Variants in NSUN4 observed in about 807,000 individuals in gnomAD.
The protein encoded by NSUN4 is NOP2/Sun RNA methyltransferase 4.
In NSUN4, 31 loss-of-function variants were observed where a neutral mutation model predicts 43.8. The ratio of observed to expected loss-of-function variants is 0.71; its 90% CI spans 0.53 to 0.96. The LOEUF (loss-of-function observed/expected upper bound fraction) is 0.96, where lower values mean the gene tolerates loss of function less well. Among genes scored for constraint, NSUN4 ranks in the 40% least tolerant of loss-of-function variants. The probability of loss-of-function intolerance (pLI) is 0.00; values close to 1 mark genes in which losing one functional copy is unlikely to be tolerated. For synonymous variants in NSUN4, 167 were observed against 184.1 expected, an observed-to-expected ratio of 0.91 and a Z score of 0.75; for missense variants, 439 against 475.6, an observed-to-expected ratio of 0.92 and a Z score of 0.72.
the NSUN4 span, among the ~76,000 whole-genome samples, chr1:46,372,705 A>G: frequency 6.6e-6 from 1 of 151,992 alleles, no homozygotes; most frequent in African/African-American, 2.4e-5. Context: ...GTTCTTTGAC[A>G]GTTTTTTGTT....
intron 1 of NSUN4, chr1:46,343,118 T>C (rs977906212): frequency 2.8e-5 from 11 of 398,964 alleles, no homozygotes; most frequent in Admixed American, 4.4e-5. Flanking sequence ...GCAATACCCA[T>C]ATATGCTCTG....
chr1:46,341,444 G>C, intron 1 of NSUN4: 1 of 1,011,390 alleles, frequency 9.9e-7, no homozygotes, highest in Non-Finnish European at 1.2e-6. Context: ...TGGCGACCGG[G>C]CAAGGTTACA....
rs1200197961 is a variant in NSUN4, at chr1:46,346,976, C to G, written c.493C>G (p.Pro165Ala). 1 of 1,614,134 alleles carries G rather than the reference C, an allele frequency of 6.2e-7. No individual in the cohort carries two copies. The change falls in exon 3 of 6, where the codon CCT becomes GCT. Residue 165 changes from proline to alanine, a missense_variant. Coordinates refer to ENST00000474844, the MANE Select transcript of NSUN4 (RefSeq NM_199044.4). ...YYLMDAASLL[P>A]VLALGLQPGD... Reference sequence around the variant, plus strand: ...CCTGATGGATGCTGCCTCCTTGCTGCCTGTTCTGGCCCTCGGCCTGCAGCC... The same window carrying G: ...CCTGATGGATGCTGCCTCCTTGCTGGCTGTTCTGGCCCTCGGCCTGCAGCC...
At chr1:46,351,933 G>A (rs1238287306) in intron 3 of NSUN4, among the ~76,000 whole-genome samples, 3 of 150,890 alleles carry the variant, frequency 2.0e-5, no homozygotes, top group Non-Finnish European at 4.4e-5. Flanking sequence ...CAAAGTGCTG[G>A]GATTACAGGT....
downstream of NSUN4, among the ~76,000 whole-genome samples, chr1:46,366,390 A>G (rs1334890151): frequency 2.6e-5 from 4 of 152,220 alleles, no homozygotes; most frequent in Non-Finnish European, 5.9e-5. Flanking sequence ...GATTATTGTT[A>G]AGGCTCTAGC....
rs551888089 is a variant in NSUN4, at chr1:46,361,800, C to G, written c.1109C>G (p.Ala370Gly). The change falls in exon 6 of 6, where the codon GCC becomes GGC. Residue 370 changes from alanine (A) to glycine (G), a missense_variant. By Grantham distance (60) the Ala-to-Gly change is moderately conservative. Coordinates refer to ENST00000474844, the MANE Select transcript of NSUN4 (RefSeq NM_199044.4). ...VGELVIPNLM[A>G]NFGPMYFCKM... ...GAGCTGGTAATACCAAACCTCATGG[C>G]CAATTTTGGCCCCATGTACTTCTGC... 2.5e-6 allele frequency: 4 copies of G among 1,614,084 alleles called. No individual in the cohort carries two copies. The Admixed American group carries it at 6.7e-5, about 27-fold the overall frequency.
At chr1:46,368,443 G>A (rs944608590), downstream of NSUN4, among the ~76,000 whole-genome samples, 1 of 152,132 alleles carries the variant, frequency 6.6e-6, no homozygotes, top group Non-Finnish European at 1.5e-5. Context: ...AAGAAGCCTC[G>A]CAACTTCCAC....
At chr1:46,348,405 T>G (rs1662683521) in intron 3 of NSUN4, among the ~76,000 whole-genome samples, 1 of 152,046 alleles carries the variant, frequency 6.6e-6, no homozygotes, top group African/African-American at 2.4e-5. Flanking sequence ...TTATATATCT[T>G]CTCCCTCTTA....
chr1:46,353,322 T>G (rs1663139365), intron 4 of NSUN4, among the ~76,000 whole-genome samples: 1 of 152,230 alleles, frequency 6.6e-6, no homozygotes, highest in South Asian at 2.1e-4. Context: ...GAAAGCCTCA[T>G]GAAGGTAAGT....
the NSUN4 span, chr1:46,370,877 T>C: frequency 6.6e-6 from 1 of 152,534 alleles, no homozygotes; most frequent in Non-Finnish European, 1.5e-5. Flanking sequence ...ATCAAGTTCA[T>C]GGTGGACATT....
At chr1:46,349,150 T>G (rs1465971338) in intron 3 of NSUN4, among the ~76,000 whole-genome samples, 3 of 146,904 alleles carry the variant, frequency 2.0e-5, no homozygotes, top group African/African-American at 7.5e-5. Context: ...TTTTGTTTTT[T>G]TTTTTTTGAG....
chr1:46,373,743 C>T, the NSUN4 span, among the ~76,000 whole-genome samples: 1 of 152,206 alleles, frequency 6.6e-6, no homozygotes, highest in Non-Finnish European at 1.5e-5. Flanking sequence ...CGAAGGCAGA[C>T]TCCTTATGAC....
chr1:46,382,854 G>A, the NSUN4 span, among the ~76,000 whole-genome samples: 5 of 152,230 alleles, frequency 3.3e-5, no homozygotes, highest in East Asian at 5.8e-4. Context: ...CACCTACCTC[G>A]GCCTCCAAAA....
At chr1:46,357,172 G>A (rs1663441986) in intron 4 of NSUN4, among the ~76,000 whole-genome samples, 1 of 152,112 alleles carries the variant, frequency 6.6e-6, no homozygotes, top group South Asian at 2.1e-4. Flanking sequence ...GTGACTGAGT[G>A]AGATCAACAT....
the NSUN4 span, among the ~76,000 whole-genome samples, chr1:46,377,713 GATATAGTCCTTGCT>G: frequency 3.2e-4 from 49 of 152,286 alleles, no homozygotes; most frequent in Admixed American, 2.9e-3. Flanking sequence ...TTTATCTAAT[GATATAGTCCTTGCT>G]ATATGTCAGG....
At chr1:46,345,505 C>CT (rs1419167076) in intron 2 of NSUN4, 1 of 188,450 alleles carries the variant, frequency 5.3e-6, no homozygotes, top group Non-Finnish European at 1.1e-5. Context: ...AAACAGCCAC[C>CT]TTTTACATGA....
At chr1:46,350,736 CAGGTATGG>C (rs5773907) in intron 3 of NSUN4, among the ~76,000 whole-genome samples, 34,034 of 152,064 alleles carry the variant, frequency 0.22, 4,257 homozygotes, top group Non-Finnish European at 0.29. Flanking sequence ...ATAGGCACTC[CAGGTATGG>C]AGGCTCCACA....
intron 3 of NSUN4, among the ~76,000 whole-genome samples, chr1:46,349,201 G>A (rs914815433): frequency 6.7e-6 from 1 of 149,426 alleles, no homozygotes; most frequent in East Asian, 2.0e-4. Context: ...GTGCAGTGGC[G>A]TGATCTCGGC....
intron 5 of NSUN4, among the ~76,000 whole-genome samples, chr1:46,361,339 G>A (rs1025877258): frequency 9.9e-5 from 15 of 152,186 alleles, no homozygotes; most frequent in Non-Finnish European, 2.2e-4. Context: ...GAGCTCAGGG[G>A]GTCATTGTAA....
Sources: gnomAD v4.1 joint callset for allele counts (sites outside exome capture counted in the v4.1 genomes callset) on GRCh38, gnomAD v4.1.1 for gene constraint, MANE v1.5 for transcripts, NCBI Gene and HGNC (gene_info 2026-07-23, HGNC 2026-07-21) for gene names.